TTC28: variants seen among roughly 807,000 people sequenced by gnomAD.
The protein encoded by TTC28 is tetratricopeptide repeat protein 28.
Under a neutral mutation model 198.0 loss-of-function variants are expected in TTC28, and 61 were observed. That is an observed-to-expected ratio of 0.31 (90% CI 0.25 to 0.38). The LOEUF is 0.38. Among genes scored for constraint, TTC28 ranks in the 10% least tolerant of loss-of-function variants. The pLI is 1.00. For synonymous variants in TTC28, 1,171 were observed against 1,297.8 expected (o/e 0.90, Z 2.10); for missense variants, 2,678 against 3,164.0 (o/e 0.85, Z 3.69).
intron 2 of TTC28, among the ~76,000 whole-genome samples, chr22:28,335,407 T>C (rs905784521): frequency 6.6e-6 from 1 of 152,210 alleles, no homozygotes; most frequent in Non-Finnish European, 1.5e-5. Flanking sequence ...CTGTGGTAGC[T>C]TGATGGGGAT....
intron 2 of TTC28, among the ~76,000 whole-genome samples, chr22:28,606,691 T>A (rs1055427765): frequency 2.0e-5 from 3 of 152,178 alleles, no homozygotes; most frequent in African/African-American, 7.2e-5. Context: ...ATGTACAGAC[T>A]GACCAAAAAG....
At chr22:28,014,776 C>T (rs564598071) in intron 13 of TTC28, among the ~76,000 whole-genome samples, 1 of 152,302 alleles carries the variant, frequency 6.6e-6, no homozygotes, top group South Asian at 2.1e-4. Context: ...TGCCCCAATG[C>T]CAATTAAGGT....
At chr22:28,150,949 T>C (rs1943592685) in intron 6 of TTC28, among the ~76,000 whole-genome samples, 1 of 152,140 alleles carries the variant, frequency 6.6e-6, no homozygotes, top group Non-Finnish European at 1.5e-5. Flanking sequence ...AAATAAATAT[T>C]CTCCAAAGTG....
At chr22:28,467,853 C>A (rs914761442) in intron 2 of TTC28, among the ~76,000 whole-genome samples, 5 of 152,244 alleles carry the variant, frequency 3.3e-5, no homozygotes, top group South Asian at 2.1e-4. Flanking sequence ...CCTCTACCTC[C>A]GGGGCTCAAG....
intron 12 of TTC28, among the ~76,000 whole-genome samples, chr22:28,088,461 T>C (rs1473091549): frequency 2.0e-5 from 3 of 152,190 alleles, no homozygotes; most frequent in South Asian, 2.1e-4. Flanking sequence ...GCTAGCCATA[T>C]GTAGAAAGCT....
intron 14 of TTC28, among the ~76,000 whole-genome samples, chr22:28,010,354 C>T (rs1364440381): frequency 6.6e-6 from 1 of 152,188 alleles, no homozygotes; most frequent in Non-Finnish European, 1.5e-5. Context: ...TACCACTAAT[C>T]CTGATAGCAT....
intron 5 of TTC28, among the ~76,000 whole-genome samples, chr22:28,279,199 A>G (rs930414519): frequency 3.9e-5 from 6 of 152,212 alleles, no homozygotes; most frequent in African/African-American, 1.4e-4. Context: ...TAACATATCT[A>G]TACATCTTTT....
intron 5 of TTC28, among the ~76,000 whole-genome samples, chr22:28,189,364 G>T (rs918897306): frequency 1.3e-5 from 2 of 152,020 alleles, no homozygotes; most frequent in African/African-American, 4.8e-5. Flanking sequence ...TACTTCAAGG[G>T]AAATAGGATT....
At chr22:28,613,533 C>A (rs576425343) in intron 2 of TTC28, among the ~76,000 whole-genome samples, 14 of 152,280 alleles carry the variant, frequency 9.2e-5, no homozygotes, top group African/African-American at 3.4e-4. Flanking sequence ...TGATGAGCAT[C>A]GATGCAAAAA....
chr22:28,611,494 C>A (rs919657902), intron 2 of TTC28, among the ~76,000 whole-genome samples: 1 of 60,944 alleles, frequency 1.6e-5, no homozygotes, highest in Non-Finnish European at 4.0e-5. Context: ...GAAATAAAAG[C>A]CTTTTTTTTA....
intron 5 of TTC28, among the ~76,000 whole-genome samples, chr22:28,287,565 G>A (rs374275227): frequency 2.0e-5 from 3 of 152,068 alleles, no homozygotes; most frequent in Admixed American, 6.6e-5. Context: ...TCAAAGATGA[G>A]GCCTTCTATG....
chr22:28,258,199 G>T (rs949983079), intron 5 of TTC28, among the ~76,000 whole-genome samples: 2 of 152,104 alleles, frequency 1.3e-5, no homozygotes, highest in Non-Finnish European at 2.9e-5. Flanking sequence ...TTCAAAATGT[G>T]AACAGGTTGA....
At chr22:28,197,555 G>A (rs1350295092) in intron 5 of TTC28, among the ~76,000 whole-genome samples, 2 of 151,972 alleles carry the variant, frequency 1.3e-5, no homozygotes, top group East Asian at 3.8e-4. Context: ...GACTTTTAAA[G>A]CCTAAAAATG....
intron 6 of TTC28, among the ~76,000 whole-genome samples, chr22:28,114,103 T>A (rs1380640950): frequency 6.6e-6 from 1 of 152,220 alleles, no homozygotes; most frequent in Non-Finnish European, 1.5e-5. Context: ...TTGCCTTGAT[T>A]TCATTTCTAA....
intron 13 of TTC28, among the ~76,000 whole-genome samples, chr22:28,027,683 A>G (rs1938890230): frequency 6.6e-6 from 1 of 152,234 alleles, no homozygotes; most frequent in Non-Finnish European, 1.5e-5. Flanking sequence ...GCTAGCCACT[A>G]TCAGCAATCT....
chr22:28,290,979 G>C (rs533297395), intron 5 of TTC28, among the ~76,000 whole-genome samples: 2 of 151,936 alleles, frequency 1.3e-5, no homozygotes, highest in African/African-American at 2.4e-5. Context: ...TATAGGAAAA[G>C]AAAATCTCCC....
chr22:28,506,279 C>A (rs2048611659), intron 2 of TTC28, among the ~76,000 whole-genome samples: 1 of 152,168 alleles, frequency 6.6e-6, no homozygotes. Flanking sequence ...CACAGCACAG[C>A]TGCCTTGTCA....
chr22:28,581,676 G>T (rs1015989868), intron 2 of TTC28, among the ~76,000 whole-genome samples: 1 of 152,114 alleles, frequency 6.6e-6, no homozygotes, highest in East Asian at 1.9e-4. Context: ...CCCTCTTTGG[G>T]AGGCCAAGAT....
chr22:28,461,437 GT>G (rs879630145), intron 2 of TTC28, among the ~76,000 whole-genome samples: 102 of 146,692 alleles, frequency 7.0e-4, no homozygotes, highest in South Asian at 3.5e-3. Context: ...TCTTTCTTCA[GT>G]TTTTTTTTTT....
Sources: gnomAD v4.1 joint callset for allele counts (sites outside exome capture counted in the v4.1 genomes callset) on GRCh38, gnomAD v4.1.1 for gene constraint, MANE v1.5 for transcripts, NCBI Gene and HGNC (gene_info 2026-07-23, HGNC 2026-07-21) for gene names.